Variants in ELMO1 observed in about 807,000 individuals in gnomAD.
ELMO1 encodes engulfment and cell motility 1.
A neutral mutation model predicts 98.9 loss-of-function variants in ELMO1; 26 were observed. The ratio of observed to expected loss-of-function variants is 0.26; its 90% confidence interval spans 0.19 to 0.36. ELMO1 has a LOEUF of 0.36. Ranked by LOEUF, ELMO1 falls within the 10% of genes least tolerant of loss-of-function variation. The pLI, the probability that ELMO1 is intolerant of heterozygous loss-of-function variation, is 1.00. For synonymous variants in ELMO1, 346 were observed against 346.0 expected, an observed-to-expected ratio of 1.00 and a Z score of 0.00; for missense variants, 627 against 935.2, an observed-to-expected ratio of 0.67 and a Z score of 4.30.
chr7:36,954,781 G>C (rs1015801968), intron 16 of ELMO1, among the ~76,000 whole-genome samples: 1 of 152,072 alleles, frequency 6.6e-6, no homozygotes, highest in Non-Finnish European at 1.5e-5. Flanking sequence ...TGGTCTCCTC[G>C]GTCCACTGTC....
chr7:37,144,483 A>T (rs77997653), intron 13 of ELMO1, among the ~76,000 whole-genome samples: 61 of 152,100 alleles, frequency 4.0e-4, no homozygotes, highest in African/African-American at 1.4e-3. Context: ...ATACAGATTT[A>T]TTTTCTTTTC....
At chr7:37,348,618 A>T (rs1035372723) in intron 1 of ELMO1, among the ~76,000 whole-genome samples, 8 of 152,086 alleles carry the variant, frequency 5.3e-5, no homozygotes, top group Non-Finnish European at 1.0e-4. Flanking sequence ...CTGACTCTAT[A>T]ACCCGTGAAC....
chr7:36,874,886 G>T lies in ELMO1; in HGVS notation c.1822+3124C>A, dbSNP rs117189680. ...AGGCCAAATTTCCTGACAAAGAAAA[G>T]GAATACAAAAAGAAAGATTTCCTAA... On this transcript the variant is annotated intron_variant, in intron 19 of 21. Transcript: ENST00000310758. 6.9e-3 allele frequency among the ~76,000 whole-genome samples: 1,052 copies of T among 152,328 alleles called. 7 individuals carry two copies. Among genetic ancestry groups the T allele is most frequent in the Middle Eastern group, 0.014 (4 of 294 alleles).
At chr7:37,064,413 G>C (rs1171421132) in intron 15 of ELMO1, among the ~76,000 whole-genome samples, 1 of 152,170 alleles carries the variant, frequency 6.6e-6, no homozygotes, top group Non-Finnish European at 1.5e-5. Flanking sequence ...GAGGGCTGGA[G>C]CATCAGATCA....
intron 4 of ELMO1, among the ~76,000 whole-genome samples, chr7:37,284,149 G>T (rs1216786891): frequency 6.6e-6 from 1 of 152,110 alleles, no homozygotes; most frequent in Non-Finnish European, 1.5e-5. Flanking sequence ...CTGGGAGGAA[G>T]GAAGCCCTGG....
At chr7:37,382,588 T>A (rs1802623816) in intron 1 of ELMO1, among the ~76,000 whole-genome samples, 1 of 152,162 alleles carries the variant, frequency 6.6e-6, no homozygotes, top group South Asian at 2.1e-4. Flanking sequence ...AACAACCTTA[T>A]CACCTGAGAT....
intron 4 of ELMO1, among the ~76,000 whole-genome samples, chr7:37,286,949 C>A (rs1045671908): frequency 6.6e-6 from 1 of 152,132 alleles, no homozygotes; most frequent in Admixed American, 6.5e-5. Flanking sequence ...AATCCCAGCA[C>A]TTTGGGAGGT....
At chr7:37,032,109 G>A (rs1416687214) in intron 15 of ELMO1, among the ~76,000 whole-genome samples, 1 of 152,138 alleles carries the variant, frequency 6.6e-6, no homozygotes, top group Non-Finnish European at 1.5e-5. Context: ...CATCCTATTA[G>A]AGTGCACCCC....
chr7:37,424,865 AT>A (rs900521661), intron 1 of ELMO1, among the ~76,000 whole-genome samples: 18 of 150,952 alleles, frequency 1.2e-4, no homozygotes, highest in Non-Finnish European at 1.9e-4. Flanking sequence ...ATTATTATAT[AT>A]TTTTAATAAT....
At chr7:36,953,411 A>G (rs1359422662) in intron 16 of ELMO1, among the ~76,000 whole-genome samples, 3 of 152,224 alleles carry the variant, frequency 2.0e-5, no homozygotes, top group Admixed American at 1.3e-4. Context: ...ATATGTGTTT[A>G]TTACGCAAGT....
intron 15 of ELMO1, among the ~76,000 whole-genome samples, chr7:37,073,403 T>C (rs1183550533): frequency 1.3e-5 from 2 of 152,212 alleles, no homozygotes; most frequent in Non-Finnish European, 2.9e-5. Context: ...GATACAAATA[T>C]AGATACAGTA....
intron 16 of ELMO1, among the ~76,000 whole-genome samples, chr7:36,955,065 C>A (rs1447258732): frequency 3.9e-5 from 6 of 152,208 alleles, no homozygotes; most frequent in Non-Finnish European, 8.8e-5. Flanking sequence ...TTATGGCACA[C>A]AAAAGGGGCT....
chr7:37,282,999 G>T (rs1797218355), intron 4 of ELMO1, among the ~76,000 whole-genome samples: 1 of 152,188 alleles, frequency 6.6e-6, no homozygotes, highest in South Asian at 2.1e-4. Context: ...CCTATTTGTG[G>T]TCTATAAACA....
chr7:37,390,476 C>A (rs1803020497), intron 1 of ELMO1, among the ~76,000 whole-genome samples: 1 of 151,958 alleles, frequency 6.6e-6, no homozygotes. Context: ...TCTTCTGACT[C>A]CCAGACGCAC....
intron 14 of ELMO1, among the ~76,000 whole-genome samples, chr7:37,117,369 A>G (rs1785670561): frequency 6.6e-6 from 1 of 152,188 alleles, no homozygotes; most frequent in Non-Finnish European, 1.5e-5. Context: ...AACACAGGTG[A>G]GCATCCGAGG....
At chr7:37,023,618 T>C (rs1449738065) in intron 15 of ELMO1, among the ~76,000 whole-genome samples, 2 of 151,940 alleles carry the variant, frequency 1.3e-5, no homozygotes, top group Non-Finnish European at 1.5e-5. Context: ...ATGCATTTTG[T>C]TTTTTTTGAG....
At chr7:37,356,760 TA>T (rs1014434132) in intron 1 of ELMO1, among the ~76,000 whole-genome samples, 192 of 135,438 alleles carry the variant, frequency 1.4e-3, no homozygotes, top group East Asian at 4.2e-3. Context: ...AAAGTATAAT[TA>T]AAAAAAAAAA....
chr7:37,439,020 G>C (rs536008459), intron 1 of ELMO1, among the ~76,000 whole-genome samples: 121 of 152,312 alleles, frequency 7.9e-4, no homozygotes, highest in Non-Finnish European at 1.4e-3. Context: ...GGAAGGCGGG[G>C]GCTGGACAAC....
chr7:37,273,008 G>A (rs1411308283), intron 4 of ELMO1, among the ~76,000 whole-genome samples: 1 of 152,188 alleles, frequency 6.6e-6, no homozygotes, highest in Non-Finnish European at 1.5e-5. Flanking sequence ...CCTTTAAAAG[G>A]TGAATCATTG....
Sources: gnomAD v4.1 joint callset for allele counts (sites outside exome capture counted in the v4.1 genomes callset) on GRCh38, gnomAD v4.1.1 for gene constraint, MANE v1.5 for transcripts, NCBI Gene and HGNC (gene_info 2026-07-23, HGNC 2026-07-21) for gene names.